Variants in CTNNA3 observed in about 807,000 individuals in gnomAD.
CTNNA3 encodes catenin alpha-3.
Under a neutral mutation model 95.7 loss-of-function variants are expected in CTNNA3, and 76 were observed. The observed-to-expected ratio is 0.79, with a 90% CI of 0.66 to 0.96. CTNNA3 has a LOEUF of 0.96. CTNNA3 is among the 40% of genes least tolerant of loss of function. The pLI, the probability that CTNNA3 is intolerant of heterozygous loss-of-function variation, is 0.00. For synonymous variants in CTNNA3, 431 were observed against 374.4 expected (o/e 1.15, Z -1.74); for missense variants, 1,191 against 1,089.8 (o/e 1.09, Z -1.31).
intron 2 of CTNNA3, among the ~76,000 whole-genome samples, chr10:67,647,043 G>A (rs925784201): frequency 3.3e-5 from 5 of 151,356 alleles, no homozygotes; most frequent in Non-Finnish European, 7.4e-5. Context: ...CTAGGCCTCA[G>A]TTTCCTCATC....
chr10:66,771,298 G>C (rs1006327327), intron 8 of CTNNA3, among the ~76,000 whole-genome samples: 2 of 152,012 alleles, frequency 1.3e-5, no homozygotes, highest in Non-Finnish European at 2.9e-5. Context: ...ATATATTTTA[G>C]TATGTATAGT....
intron 9 of CTNNA3, among the ~76,000 whole-genome samples, chr10:66,686,540 C>T (rs1007506461): frequency 6.6e-6 from 1 of 152,174 alleles, no homozygotes; most frequent in Non-Finnish European, 1.5e-5. Flanking sequence ...CTTCTCTCTA[C>T]TGTCCTAGCA....
At chr10:66,993,060 C>T (rs148868125) in intron 7 of CTNNA3, among the ~76,000 whole-genome samples, 1,997 of 152,122 alleles carry the variant, frequency 0.013, 45 homozygotes, top group African/African-American at 0.045. Flanking sequence ...CCACAAAATT[C>T]CGTTTCCCAT....
intron 10 of CTNNA3, among the ~76,000 whole-genome samples, chr10:66,527,120 G>A (rs1841295502): frequency 6.6e-6 from 1 of 152,096 alleles, no homozygotes. Flanking sequence ...ACAAGGTGGG[G>A]CAAACTTCAT....
At chr10:66,642,813 C>G (rs1845566182) in intron 9 of CTNNA3, among the ~76,000 whole-genome samples, 1 of 152,096 alleles carries the variant, frequency 6.6e-6, no homozygotes, top group African/African-American at 2.4e-5. Context: ...AGGATTTCTT[C>G]TTTAACATGA....
intron 7 of CTNNA3, among the ~76,000 whole-genome samples, chr10:67,057,467 T>G (rs1388188899): frequency 6.6e-6 from 1 of 152,296 alleles, no homozygotes; most frequent in East Asian, 1.9e-4. Context: ...ACTCTCTGCT[T>G]CTGTGTATTC....
At chr10:66,462,631 G>C (rs1039241326) in intron 11 of CTNNA3, among the ~76,000 whole-genome samples, 1 of 151,986 alleles carries the variant, frequency 6.6e-6, no homozygotes, top group Non-Finnish European at 1.5e-5. Context: ...AACATTTCTT[G>C]AGGACTTATT....
chr10:66,810,178 C>T (rs1203152789), intron 7 of CTNNA3, among the ~76,000 whole-genome samples: 4 of 152,132 alleles, frequency 2.6e-5, no homozygotes, highest in African/African-American at 9.7e-5. Flanking sequence ...AATATTGATA[C>T]ATTATTAATT....
intron 5 of CTNNA3, among the ~76,000 whole-genome samples, chr10:67,315,832 T>C (rs1841025438): frequency 6.6e-6 from 1 of 152,162 alleles, no homozygotes; most frequent in Non-Finnish European, 1.5e-5. Flanking sequence ...TCATCTTTTA[T>C]AGAAAATCAC....
At chr10:66,816,492 G>T (rs1842093126) in intron 7 of CTNNA3, among the ~76,000 whole-genome samples, 2 of 152,074 alleles carry the variant, frequency 1.3e-5, no homozygotes, top group South Asian at 2.1e-4. Context: ...GATAGAAAAA[G>T]AAATACCATG....
intron 5 of CTNNA3, among the ~76,000 whole-genome samples, chr10:67,395,311 T>C (rs2132785673): frequency 6.6e-6 from 1 of 152,254 alleles, no homozygotes; most frequent in Admixed American, 6.5e-5. Context: ...ACTAAGAGAC[T>C]TTCTGTTAGG....
intron 7 of CTNNA3, among the ~76,000 whole-genome samples, chr10:67,055,376 A>T (rs1395191344): frequency 3.9e-5 from 6 of 152,216 alleles, no homozygotes; most frequent in Non-Finnish European, 7.3e-5. Flanking sequence ...GTCAAACTAT[A>T]GACACAGAAA....
chr10:67,512,969 C>T (rs1384088359), intron 5 of CTNNA3, among the ~76,000 whole-genome samples: 1 of 151,978 alleles, frequency 6.6e-6, no homozygotes, highest in Non-Finnish European at 1.5e-5. Context: ...GGCAACAGAG[C>T]GAGAGTCCAT....
At chr10:66,318,905 G>A (rs886675069) in intron 12 of CTNNA3, among the ~76,000 whole-genome samples, 1 of 149,514 alleles carries the variant, frequency 6.7e-6, no homozygotes, top group Admixed American at 6.7e-5. Context: ...GCACCTTAAA[G>A]GTAGAAGTAT....
chr10:67,503,665 T>A (rs1839303200), intron 5 of CTNNA3, among the ~76,000 whole-genome samples: 1 of 152,158 alleles, frequency 6.6e-6, no homozygotes, highest in African/African-American at 2.4e-5. Context: ...ATATAGAATG[T>A]ATACAAAAAA....
intron 10 of CTNNA3, among the ~76,000 whole-genome samples, chr10:66,605,094 C>G (rs933784902): frequency 1.6e-4 from 24 of 151,962 alleles, no homozygotes; most frequent in African/African-American, 5.6e-4. Context: ...GACAAAATAG[C>G]CAGTATAGAA....
Position 66,298,573 on chromosome 10 carries a change from C to T in CTNNA3, c.1733-17952G>A, listed in dbSNP as rs145600173. Reference sequence around the variant, plus strand: ...CCCCAGTATCCATCACCCTTTCTTCCAGCCCTGAATTTTCTCTCAGGAAAT... The same window carrying T: ...CCCCAGTATCCATCACCCTTTCTTCTAGCCCTGAATTTTCTCTCAGGAAAT... On this transcript the variant is annotated intron_variant, in intron 12 of 17. Coordinates refer to ENST00000433211, the MANE Select transcript of CTNNA3 (RefSeq NM_013266.4). 1.6e-3 allele frequency among the ~76,000 whole-genome samples: 248 copies of T among 152,194 alleles called. 1 individual carries two copies. Among genetic ancestry groups the T allele is most frequent in the African/African-American group, 5.5e-3 (228 of 41,542 alleles).
chr10:66,667,694 G>C (rs1846505362), intron 9 of CTNNA3, among the ~76,000 whole-genome samples: 1 of 152,078 alleles, frequency 6.6e-6, no homozygotes, highest in South Asian at 2.1e-4. Context: ...ATAATTCTGT[G>C]CTGGCTCACT....
At chr10:66,317,497 C>A (rs2092118474) in intron 12 of CTNNA3, among the ~76,000 whole-genome samples, 1 of 151,926 alleles carries the variant, frequency 6.6e-6, no homozygotes. Flanking sequence ...CATAGTGAAA[C>A]CCCGTCTTTA....
Sources: gnomAD v4.1 joint callset for allele counts (sites outside exome capture counted in the v4.1 genomes callset) on GRCh38, gnomAD v4.1.1 for gene constraint, MANE v1.5 for transcripts, NCBI Gene and HGNC (gene_info 2026-07-23, HGNC 2026-07-21) for gene names.